Variants in CNTN6 observed in about 807,000 individuals in gnomAD.
CNTN6 encodes contactin 6, also known as contactin-6.
In CNTN6, 137 loss-of-function variants were observed where a neutral mutation model predicts 122.8. The ratio of observed to expected loss-of-function variants is 1.12; its 90% CI spans 0.97 to 1.29. The LOEUF (loss-of-function observed/expected upper bound fraction) is 1.29. Ranked by LOEUF, CNTN6 falls within the 50% of genes most tolerant of loss-of-function variation. CNTN6 has a pLI of 0.00. For missense variants in CNTN6, 1,634 were observed against 1,223.4 expected (o/e 1.34, Z -5.01); for synonymous variants, 570 against 426.0 (o/e 1.34, Z -4.16).
At chr3:1,243,037 CG>C (rs1010477615) in intron 4 of CNTN6, among the ~76,000 whole-genome samples, 2 of 147,508 alleles carry the variant, frequency 1.4e-5, no homozygotes, top group Admixed American at 1.3e-4. Flanking sequence ...TGATGGTCTA[CG>C]GGGCTTCCAA....
chr3:1,252,839 C>G (rs533595497), intron 4 of CNTN6, among the ~76,000 whole-genome samples: 4 of 152,104 alleles, frequency 2.6e-5, no homozygotes, highest in Non-Finnish European at 5.9e-5. Context: ...AGATGCATCT[C>G]CGAGAACCTT....
At chr3:1,212,458 T>C (rs993169432) in intron 2 of CNTN6, among the ~76,000 whole-genome samples, 2 of 151,386 alleles carry the variant, frequency 1.3e-5, no homozygotes, top group East Asian at 3.9e-4. Flanking sequence ...TATATGTGTG[T>C]GTATATATAT....
chr3:1,334,977 T>C (rs1352092471), intron 11 of CNTN6, among the ~76,000 whole-genome samples: 1 of 152,120 alleles, frequency 6.6e-6, no homozygotes, highest in Middle Eastern at 3.2e-3. Context: ...CCTAACTGGG[T>C]GCTGGGGATA....
At chr3:1,116,698 CTTTTTTTTTT>C (rs10594022) in intron 1 of CNTN6, among the ~76,000 whole-genome samples, 2 of 71,746 alleles carry the variant, frequency 2.8e-5, no homozygotes, top group Non-Finnish European at 5.4e-5. Context: ...GTCATCAAAT[CTTTTTTTTTT>C]TTTTTTTTTT....
At chr3:1,382,385 AG>A (rs1692031837) in intron 17 of CNTN6, among the ~76,000 whole-genome samples, 1 of 152,146 alleles carries the variant, frequency 6.6e-6, no homozygotes, top group Admixed American at 6.5e-5. Flanking sequence ...CTTTCATGTG[AG>A]GAAAAATGCA....
At chr3:1,347,964 C>T (rs1004723671) in intron 11 of CNTN6, among the ~76,000 whole-genome samples, 6 of 151,722 alleles carry the variant, frequency 4.0e-5, no homozygotes, top group African/African-American at 1.5e-4. Context: ...ACAATTTCTT[C>T]TTTCCTTGTT....
chr3:1,352,739 G>A (rs544743023), intron 12 of CNTN6, among the ~76,000 whole-genome samples: 27 of 151,736 alleles, frequency 1.8e-4, no homozygotes, highest in Non-Finnish European at 2.9e-4. Flanking sequence ...AATGTTAGGG[G>A]CCATGGACGT....
At chr3:1,345,623 C>T (rs1483742970) in intron 11 of CNTN6, among the ~76,000 whole-genome samples, 1 of 151,990 alleles carries the variant, frequency 6.6e-6, no homozygotes, top group Non-Finnish European at 1.5e-5. Flanking sequence ...TAATTGGGTG[C>T]AAAAATCATT....
intron 4 of CNTN6, among the ~76,000 whole-genome samples, chr3:1,275,762 G>A (rs1003268728): frequency 4.0e-5 from 6 of 151,818 alleles, no homozygotes; most frequent in African/African-American, 1.5e-4. Flanking sequence ...TCACAATAGG[G>A]TTTGTGTTCC....
chr3:1,390,392 C>G (rs988220765), intron 20 of CNTN6, among the ~76,000 whole-genome samples: 64 of 151,532 alleles, frequency 4.2e-4, no homozygotes, highest in Middle Eastern at 3.4e-3. Context: ...ACCAGAATCT[C>G]TGGGATGCAT....
intron 1 of CNTN6, among the ~76,000 whole-genome samples, chr3:1,134,383 G>A (rs903494447): frequency 2.0e-5 from 3 of 152,088 alleles, no homozygotes; most frequent in Non-Finnish European, 4.4e-5. Flanking sequence ...TTTCCACTGA[G>A]CTAGTCTCCT....
At chr3:1,097,161 G>A (rs963088576) in intron 1 of CNTN6, among the ~76,000 whole-genome samples, 2 of 152,168 alleles carry the variant, frequency 1.3e-5, no homozygotes, top group African/African-American at 2.4e-5. Flanking sequence ...GGACATAGTA[G>A]AGGAAAAACA....
At chr3:1,173,998 C>A (rs751492452) in intron 2 of CNTN6, among the ~76,000 whole-genome samples, 2 of 152,102 alleles carry the variant, frequency 1.3e-5, no homozygotes, top group Non-Finnish European at 2.9e-5. Flanking sequence ...AAAGGGCTTA[C>A]AAAATACACT....
intron 20 of CNTN6, among the ~76,000 whole-genome samples, chr3:1,395,872 TAGG>T (rs1385626112): frequency 1.3e-5 from 2 of 152,184 alleles, no homozygotes; most frequent in African/African-American, 4.8e-5. Context: ...AATTTCTAGA[TAGG>T]AGGACACAAA....
intron 7 of CNTN6, among the ~76,000 whole-genome samples, chr3:1,320,669 A>G (rs1241899013): frequency 6.6e-6 from 1 of 151,770 alleles, no homozygotes; most frequent in Non-Finnish European, 1.5e-5. Flanking sequence ...ACTTGACAAG[A>G]GGAAAGGAGA....
chr3:1,362,851 C>A (rs1206966263), intron 12 of CNTN6, among the ~76,000 whole-genome samples: 1 of 151,262 alleles, frequency 6.6e-6, no homozygotes, highest in Admixed American at 6.6e-5. Flanking sequence ...GAAAGCCTAG[C>A]TAAGCACACA....
At chr3:1,108,530 T>C (rs2091334428) in intron 1 of CNTN6, among the ~76,000 whole-genome samples, 1 of 151,988 alleles carries the variant, frequency 6.6e-6, no homozygotes, top group South Asian at 2.1e-4. Flanking sequence ...TCTTGAAGCG[T>C]TTCAGATTTT....
intron 5 of CNTN6, among the ~76,000 whole-genome samples, chr3:1,294,070 A>G (rs1016040405): frequency 2.0e-5 from 3 of 152,164 alleles, no homozygotes; most frequent in Admixed American, 1.3e-4. Context: ...ATAAAGTTAC[A>G]CTTACATCTA....
intron 2 of CNTN6, among the ~76,000 whole-genome samples, chr3:1,206,170 C>T (rs2093955539): frequency 6.6e-6 from 1 of 152,104 alleles, no homozygotes; most frequent in African/African-American, 2.4e-5. Flanking sequence ...TATCACATAT[C>T]TCTAATCCAA....
Sources: allele counts gnomAD v4.1 joint callset (sites outside exome capture counted in the v4.1 genomes callset), GRCh38; gene constraint gnomAD v4.1.1; transcripts MANE v1.5; gene names NCBI Gene and HGNC (gene_info 2026-07-23, HGNC 2026-07-21).